The following MACF1 variants were observed in gnomAD, a reference collection of about 807,000 sequenced individuals.
The protein encoded by MACF1 is microtubule-actin cross-linking factor 1.
MACF1 carries 193 observed loss-of-function variants against 854.8 expected under a neutral mutation model. The ratio of observed to expected loss-of-function variants is 0.23; its 90% CI spans 0.20 to 0.25. The LOEUF (loss-of-function observed/expected upper bound fraction) is 0.25, where lower values mean the gene tolerates loss of function less well. Ranked by LOEUF, MACF1 falls within the 10% of genes least tolerant of loss-of-function variation. The probability of loss-of-function intolerance (pLI) is 1.00; values close to 1 mark genes in which losing one functional copy is unlikely to be tolerated. For missense variants in MACF1, 7,722 were observed against 8,929.1 expected, an observed-to-expected ratio of 0.86 and a Z score of 5.45; for synonymous variants, 3,185 against 3,226.7, an observed-to-expected ratio of 0.99 and a Z score of 0.44.
rs368178808 is a variant in MACF1 at position 39,336,046 on chromosome 1, C to G, written c.9458C>G (p.Ser3153Trp). Residue 3153 changes from serine (S) to tryptophan (W), a missense_variant, in exon 37 of 101, where the codon TCG (serine) becomes TGG (tryptophan). Around this residue, in one of 15 missense-constraint regions of MACF1, gnomAD observed 854 missense variants for 852.6 expected, o/e 1.00. Coordinates refer to ENST00000564288, the MANE Select transcript of MACF1 (RefSeq NM_001394062.1). Reference sequence around the variant, plus strand: ...AACTATCAAGATTCCTGGGTTACTTCGAAAACTAAGGAAACCAAACATCAA... The same window carrying G: ...AACTATCAAGATTCCTGGGTTACTTGGAAAACTAAGGAAACCAAACATCAA... ...ETNYQDSWVT[S>W]KTKETKHQIS... 4 of 1,613,880 alleles carry G rather than the reference C, an allele frequency of 2.5e-6. No homozygotes were observed. In the South Asian group the frequency reaches 4.4e-5, roughly 18 times the overall value.
In MACF1 at chr1:39,204,913, CT is replaced by C; in HGVS notation, c.-109del. On this transcript the variant is annotated 5_prime_UTR_variant, in exon 1 of 101. Coordinates refer to ENST00000564288, the MANE Select transcript of MACF1 (RefSeq NM_001394062.1). ...GTTTCTGACAACACTAAGCTCCGGCCTCTGCCTCTGCTGATAGTACAGGACA... is the reference window on the plus strand; with the variant it reads ...GTTTCTGACAACACTAAGCTCCGGCCCTGCCTCTGCTGATAGTACAGGACA... The C allele has an allele frequency of 1.6e-6, 1 of 643,268 alleles. No homozygotes were observed. The highest frequency in any genetic ancestry group is 2.8e-6 in the Non-Finnish European group (1 of 357,710). 39.8% of individuals were successfully genotyped at this position (643,268 alleles called of 1,614,324 possible). A position where few individuals can be genotyped will look rare whatever the true frequency, so the allele number is the denominator to read the frequency against.
At chr1:39,355,692 T>C (rs1011865519) in intron 44 of MACF1, among the ~76,000 whole-genome samples, 4 of 152,070 alleles carry the variant, frequency 2.6e-5, no homozygotes, top group Non-Finnish European at 5.9e-5. Flanking sequence ...TCTCGATCTC[T>C]TGGCCTCGTG....
Position 39,378,482 on chromosome 1 carries a change from G to A in MACF1, c.13235G>A (p.Gly4412Glu), listed in dbSNP as rs116023049. The change falls in exon 53 of 101, where the codon GGA becomes GAA. Residue 4412 changes from glycine to glutamate, a missense_variant. Gly to Glu is a moderately conservative substitution (Grantham distance 98, BLOSUM62 -2). This residue lies in a region of MACF1 where 2,807 missense variants were observed against 3,235.8 expected (regional missense o/e 0.87). Coordinates refer to ENST00000564288, the MANE Select transcript of MACF1 (RefSeq NM_001394062.1). Reference sequence around the variant, plus strand: ...TCAGGTTCCATACTGCCCTCTGTAGGAAGCTCTGTAGGCAGTGTAAACGGA... The same window carrying A: ...TCAGGTTCCATACTGCCCTCTGTAGAAAGCTCTGTAGGCAGTGTAAACGGA... Reference protein sequence around the residue: ...GKTGSILPSVGSSVGSVNGYH... With the variant: ...GKTGSILPSVESSVGSVNGYH... 6.9e-5 allele frequency: 111 copies of A among 1,614,008 alleles called. No individual in the cohort carries two copies. The African/African-American group carries it at 1.3e-3, about 19-fold the overall frequency.
At chr1:39,161,792 G>A (rs921451441) in intron 2 of MACF1, among the ~76,000 whole-genome samples, 1 of 152,028 alleles carries the variant, frequency 6.6e-6, no homozygotes, top group East Asian at 1.9e-4. Context: ...GTGTGAACCC[G>A]GGAGGCAGAG....
chr1:39,304,768 T>A (rs2148423133), intron 23 of MACF1: 2 of 316,964 alleles, frequency 6.3e-6, no homozygotes, highest in South Asian at 5.9e-5. Flanking sequence ...TTCACCATGT[T>A]AGCCAGGATG....
At chr1:39,126,375 C>T (rs1414015330) in intron 2 of MACF1, among the ~76,000 whole-genome samples, 1 of 152,176 alleles carries the variant, frequency 6.6e-6, no homozygotes, top group Admixed American at 6.5e-5. Flanking sequence ...TGGGTTAGAG[C>T]CTTTTCGAAT....
At chr1:39,133,909 T>G (rs1200681747) in intron 2 of MACF1, among the ~76,000 whole-genome samples, 1 of 152,146 alleles carries the variant, frequency 6.6e-6, no homozygotes, top group East Asian at 1.9e-4. Flanking sequence ...GTAGGTAGGT[T>G]ATGAGAAGTT....
upstream of MACF1, among the ~76,000 whole-genome samples, chr1:39,203,744 A>G (rs1246441887): frequency 6.6e-6 from 1 of 152,148 alleles, no homozygotes; most frequent in South Asian, 2.1e-4. Flanking sequence ...AATAGTTTTG[A>G]GAATCATCTG....
rs780483778 is a variant in MACF1, at chr1:39,385,826, C to T, written c.14241C>T (p.Cys4747=). Residue 4747 remains cysteine (C), a synonymous_variant, in exon 57 of 101, where the codon TGC becomes TGT. Coordinates refer to ENST00000564288, the MANE Select transcript of MACF1 (RefSeq NM_001394062.1). ...DHEVKEAQTL[C]DELSVLIGEQ... Reference sequence around the variant, plus strand: ...AGGTTAAGGAGGCTCAGACACTGTGCGATGAACTCTCAGTGCTCATTGGTG... The same window carrying T: ...AGGTTAAGGAGGCTCAGACACTGTGTGATGAACTCTCAGTGCTCATTGGTG... The T allele has an allele frequency of 3.7e-6, 6 of 1,614,142 alleles. No homozygotes were observed. Among genetic ancestry groups the T allele is most frequent in the African/African-American group, 2.7e-5 (2 of 75,036 alleles).
rs1648908074 is a variant in MACF1 at position 39,368,246 on chromosome 1, C to T, written c.12870C>T (p.Cys4290=). Residue 4290 remains cysteine (C), a synonymous_variant, in exon 50 of 101, where the codon TGC becomes TGT. Transcript: ENST00000564288. ...CTTGTGGCTTTGCGCTGGACTTGTG[C>T]CAGCATCAGGACAGGGTACAGAATC... is the stretch of plus-strand genomic sequence containing the variant. ...LSSCGFALDL[C]QHQDRVQNLR... 6.2e-7 allele frequency: 1 copy of T among 1,614,008 alleles called. No homozygotes were observed. The highest frequency in any genetic ancestry group is 8.5e-7 in the Non-Finnish European group (1 of 1,179,976).
At chr1:39,414,367 T>A (rs1643190511) in intron 58 of MACF1, 1 of 1,613,854 alleles carries the variant, frequency 6.2e-7, no homozygotes. Flanking sequence ...CACTGGAATG[T>A]GGATCAAGGA....
chr1:39,190,883 C>A (rs960879348), intron 2 of MACF1, among the ~76,000 whole-genome samples: 1 of 152,060 alleles, frequency 6.6e-6, no homozygotes, highest in South Asian at 2.1e-4. Context: ...ATCCCAGCTA[C>A]TTGGGAGGCT....
chr1:39,383,287 T>C (rs1650404724), intron 56 of MACF1, among the ~76,000 whole-genome samples: 1 of 152,214 alleles, frequency 6.6e-6, no homozygotes, highest in Admixed American at 6.5e-5. Flanking sequence ...ACTGCTTCTT[T>C]TAGTTCCTGC....
intron 6 of MACF1, among the ~76,000 whole-genome samples, chr1:39,267,923 TG>T (rs1394436134): frequency 6.6e-6 from 1 of 152,222 alleles, no homozygotes; most frequent in Non-Finnish European, 1.5e-5. Context: ...TTAAAGTCTG[TG>T]TTCCTTTTCT....
At chr1:39,093,312 T>G (rs1263113312) in intron 2 of MACF1, among the ~76,000 whole-genome samples, 10 of 131,828 alleles carry the variant, frequency 7.6e-5, no homozygotes, top group Non-Finnish European at 1.5e-4. Context: ...CTTCTTTTTT[T>G]TTTTTTTTTT....
chr1:39,447,518 G>A lies in MACF1; in HGVS notation c.19692G>A (p.Gln6564=). The change falls in exon 81 of 101, where the codon CAG becomes CAA. Residue 6564 remains glutamine (Q), a synonymous_variant. Coordinates refer to ENST00000564288, the MANE Select transcript of MACF1 (RefSeq NM_001394062.1). ...TCAACTGGCTCACTCTAGCAGAGCAGAGTTTAAACATCGCTTCTCCACCAA... is the reference window on the plus strand; with the variant it reads ...TCAACTGGCTCACTCTAGCAGAGCAAAGTTTAAACATCGCTTCTCCACCAA... The part of the protein sequence containing the change: ...EFINWLTLAE[Q]SLNIASPPSL... 1.2e-6 allele frequency: 2 copies of A among 1,614,156 alleles called. No individual in the cohort carries two copies. Among genetic ancestry groups the A allele is most frequent in the Non-Finnish European group, 1.7e-6 (2 of 1,180,010 alleles).
chr1:39,382,247 AT>A (rs1422980297), intron 56 of MACF1, 95 bp downstream of exon 56: 18 of 1,177,856 alleles, frequency 1.5e-5, no homozygotes, highest in African/African-American at 3.0e-5. Flanking sequence ...TGGACAAGTC[AT>A]TTAATCTCTC....
intron 2 of MACF1, among the ~76,000 whole-genome samples, chr1:39,194,480 G>C (rs1644296019): frequency 6.8e-6 from 1 of 147,354 alleles, no homozygotes; most frequent in Non-Finnish European, 1.5e-5. Context: ...CAGCCTCCCA[G>C]GTAGCTGAGA....
chr1:39,319,011 T>C (rs1646464123), intron 30 of MACF1, among the ~76,000 whole-genome samples: 1 of 151,538 alleles, frequency 6.6e-6, no homozygotes. Context: ...TTTTTGTTGG[T>C]ATTTTGTTTT....
Sources: allele counts gnomAD v4.1 joint callset (sites outside exome capture counted in the v4.1 genomes callset), GRCh38; gene constraint gnomAD v4.1.1; regional missense constraint gnomAD v4.1.1; transcripts MANE v1.5; gene names NCBI Gene and HGNC (gene_info 2026-07-23, HGNC 2026-07-21).